Variants in WDR20 observed in about 807,000 individuals in gnomAD.
WDR20 encodes the protein WD repeat domain 20, also known as WD repeat-containing protein 20.
WDR20 carries 3 observed loss-of-function variants against 38.7 expected under a neutral mutation model. The observed-to-expected ratio is 0.08, with a 90% CI of 0.04 to 0.20. The LOEUF is 0.20. Ranked by LOEUF, WDR20 falls within the 10% of genes least tolerant of loss-of-function variation. The probability of loss-of-function intolerance (pLI) is 1.00; values close to 1 mark genes in which losing one functional copy is unlikely to be tolerated. For synonymous variants in WDR20, 298 were observed against 285.6 expected (o/e 1.04, Z -0.44); for missense variants, 559 against 727.7 (o/e 0.77, Z 2.67).
At chr14:102,172,437 G>A (rs1166821308) in intron 1 of WDR20, among the ~76,000 whole-genome samples, 9 of 150,116 alleles carry the variant, frequency 6.0e-5, no homozygotes, top group East Asian at 2.0e-4. Context: ...CCTCCCAGAC[G>A]GGGTGGTGGC....
At chr14:102,205,469 C>T (rs1320095708) in intron 2 of WDR20, among the ~76,000 whole-genome samples, 1 of 152,144 alleles carries the variant, frequency 6.6e-6, no homozygotes, top group Non-Finnish European at 1.5e-5. Context: ...AGGCTTTCTA[C>T]TGTATACTTT....
chr14:102,195,060 A>C lies in WDR20; in HGVS notation c.372A>C (p.Ala124=), dbSNP rs1454200656. The C allele has an allele frequency of 6.2e-7, 1 of 1,614,256 alleles. No individual in the cohort carries two copies. Among genetic ancestry groups the C allele is most frequent in the South Asian group, 1.1e-5 (1 of 91,090 alleles). The change falls in exon 2 of 3, where the codon GCA becomes GCC. Residue 124 remains alanine, a synonymous_variant. Coordinates refer to ENST00000342702, the MANE Select transcript of WDR20 (RefSeq NM_144574.4). ...ESVSLLVGFS[A]GQVQLIDPIK... is the part of the protein sequence containing the mutation. ...TCTCTCTCCTAGTGGGCTTTTCCGC[A>C]GGCCAAGTCCAGCTTATAGACCCAA... is the stretch of plus-strand genomic sequence containing the variant.
chr14:102,144,031 A>AAG (rs2052593565), intron 1 of WDR20, among the ~76,000 whole-genome samples: 1 of 151,746 alleles, frequency 6.6e-6, no homozygotes, highest in Non-Finnish European at 1.5e-5. Flanking sequence ...TAATAAAAAA[A>AAG]AAATTAGCTG....
At chr14:102,177,038 C>T (rs1224156916) in intron 1 of WDR20, among the ~76,000 whole-genome samples, 1 of 152,254 alleles carries the variant, frequency 6.6e-6, no homozygotes, top group African/African-American at 2.4e-5. Flanking sequence ...TTGCAGTTAC[C>T]ATTTCTACCA....
intron 1 of WDR20, among the ~76,000 whole-genome samples, chr14:102,184,347 T>A (rs183000862): frequency 6.6e-6 from 1 of 152,334 alleles, no homozygotes; most frequent in Admixed American, 6.5e-5. Flanking sequence ...AGCTGTTTTT[T>A]AAGTTCATCT....
At chr14:102,181,163 T>G (rs2063297477) in intron 1 of WDR20, among the ~76,000 whole-genome samples, 1 of 152,174 alleles carries the variant, frequency 6.6e-6, no homozygotes, top group African/African-American at 2.4e-5. Context: ...GTCATTTGGT[T>G]TATCCTAAAT....
At chr14:102,151,521 A>C (rs537538156) in intron 1 of WDR20, among the ~76,000 whole-genome samples, 1 of 151,428 alleles carries the variant, frequency 6.6e-6, no homozygotes, top group Non-Finnish European at 1.5e-5. Flanking sequence ...TTAGCCTCCC[A>C]TGTAGCTGGG....
At chr14:102,147,813 C>A (rs962902886) in intron 1 of WDR20, among the ~76,000 whole-genome samples, 1 of 152,224 alleles carries the variant, frequency 6.6e-6, no homozygotes, top group Non-Finnish European at 1.5e-5. Flanking sequence ...TCACTGCAAC[C>A]TCTGCCTCCC....
At chr14:102,160,786 TA>T (rs1238033531) in intron 1 of WDR20, among the ~76,000 whole-genome samples, 119 of 140,002 alleles carry the variant, frequency 8.5e-4, no homozygotes, top group Admixed American at 1.0e-3. Context: ...ACTAAATATA[TA>T]AAAAAAAAAA....
At chr14:102,140,964 A>G (rs1244262535) in intron 1 of WDR20, among the ~76,000 whole-genome samples, 1 of 152,174 alleles carries the variant, frequency 6.6e-6, no homozygotes, top group Non-Finnish European at 1.5e-5. Flanking sequence ...CCAAACAGGG[A>G]GTGATATGCT....
Position 102,140,007 on chromosome 14 carries a change from G to T in WDR20, c.84G>T (p.Pro28=). Residue 28 remains proline, a synonymous_variant, in exon 1 of 3, where the codon CCG becomes CCT. Transcript: ENST00000342702. The stretch of plus-strand genomic sequence containing the variant: ...GGGAAGGTCTGTACAAGCTGCTGCC[G>T]CACTCGGAGTACAGCCGGCCCAACC... ...TTREGLYKLL[P]HSEYSRPNRV... is the part of the protein sequence containing the mutation. 8.7e-6 allele frequency: 14 copies of T among 1,614,250 alleles called. No homozygotes were observed. Among genetic ancestry groups the T allele is most frequent in the Non-Finnish European group, 1.2e-5 (14 of 1,180,038 alleles).
At chr14:102,212,945 G>A (rs371529545), downstream of WDR20, 78 of 1,042,224 alleles carry the variant, frequency 7.5e-5, no homozygotes, top group Non-Finnish European at 8.6e-5. Context: ...CTGTTCCAGC[G>A]TGTACCAAAC....
intron 1 of WDR20, among the ~76,000 whole-genome samples, chr14:102,192,658 AGGT>A (rs2058706809): frequency 6.6e-6 from 1 of 152,340 alleles, no homozygotes; most frequent in South Asian, 2.1e-4. Flanking sequence ...TTGGAAAAAC[AGGT>A]GCTTTTACTT....
chr14:102,180,014 G>A (rs1375036708), intron 1 of WDR20, among the ~76,000 whole-genome samples: 2 of 152,082 alleles, frequency 1.3e-5, no homozygotes, highest in Non-Finnish European at 2.9e-5. Context: ...TTAACCAGGC[G>A]TGGTGGCAGG....
downstream of WDR20, among the ~76,000 whole-genome samples, chr14:102,217,482 C>T (rs2063353706): frequency 6.6e-6 from 1 of 152,204 alleles, no homozygotes; most frequent in African/African-American, 2.4e-5. Flanking sequence ...TGGCCCCTCA[C>T]TGTCACCTGT....
In WDR20 at chr14:102,187,108, T is replaced by C. The variant is rs191430679; in HGVS notation, c.250-7830T>C. On this transcript the variant is annotated intron_variant, in intron 1 of 2. Coordinates refer to ENST00000342702, the MANE Select transcript of WDR20 (RefSeq NM_144574.4). ...TTGGAAGTAATTTCTTGGCCACTTT[T>C]GGTCCCTGTTTTGGTTGTCTGAGAT... 5.9e-5 allele frequency among the ~76,000 whole-genome samples: 9 copies of C among 152,354 alleles called. No homozygotes were observed. In the East Asian group the frequency reaches 1.7e-3, roughly 29 times the overall value.
intron 1 of WDR20, among the ~76,000 whole-genome samples, chr14:102,146,715 A>G (rs2053764539): frequency 6.6e-6 from 1 of 152,058 alleles, no homozygotes; most frequent in Non-Finnish European, 1.5e-5. Flanking sequence ...GATGCCTTTA[A>G]AAAAAATTTC....
chr14:102,175,891 A>G (rs1026049689), intron 1 of WDR20, among the ~76,000 whole-genome samples: 2 of 152,222 alleles, frequency 1.3e-5, no homozygotes, highest in African/African-American at 4.8e-5. Flanking sequence ...TAACTTGTGT[A>G]CATTGATTTT....
At chr14:102,224,334 C>T (rs969897461), downstream of WDR20, among the ~76,000 whole-genome samples, 2 of 152,104 alleles carry the variant, frequency 1.3e-5, no homozygotes, top group Non-Finnish European at 2.9e-5. Context: ...GCCACTGCGC[C>T]CGGCCTTACC....
Sources: allele counts gnomAD v4.1 joint callset (sites outside exome capture counted in the v4.1 genomes callset), GRCh38; gene constraint gnomAD v4.1.1; transcripts MANE v1.5; gene names NCBI Gene and HGNC (gene_info 2026-07-23, HGNC 2026-07-21).